Variants in NFASC observed in about 807,000 individuals in gnomAD.
The protein encoded by NFASC is neurofascin.
A neutral mutation model predicts 147.5 loss-of-function variants in NFASC; 43 were observed. That is an observed-to-expected ratio of 0.29 (90% confidence interval 0.23 to 0.38). The LOEUF (loss-of-function observed/expected upper bound fraction) is 0.38, where lower values mean the gene tolerates loss of function less well. NFASC is among the 10% of genes least tolerant of loss of function. The probability of loss-of-function intolerance (pLI) is 1.00; values close to 1 mark genes in which losing one functional copy is unlikely to be tolerated. For missense variants in NFASC, 1,320 were observed against 1,689.0 expected, an observed-to-expected ratio of 0.78 and a Z score of 3.83; for synonymous variants, 622 against 665.5, an observed-to-expected ratio of 0.93 and a Z score of 1.01.
chr1:204,945,589 A>G (rs1216364582), intron 3 of NFASC, among the ~76,000 whole-genome samples: 1 of 152,238 alleles, frequency 6.6e-6, no homozygotes, highest in Non-Finnish European at 1.5e-5. Context: ...ACCCAGAGGT[A>G]AGATGGGCAA....
chr1:204,956,709 C>G (rs2094449494), intron 7 of NFASC, among the ~76,000 whole-genome samples: 1 of 152,150 alleles, frequency 6.6e-6, no homozygotes, highest in South Asian at 2.1e-4. Flanking sequence ...TACAGTAAAT[C>G]AGGAATGGTT....
chr1:204,990,157 C>T (rs2095693617), intron 23 of NFASC: 1 of 152,336 alleles, frequency 6.6e-6, no homozygotes, highest in Non-Finnish European at 1.5e-5. Flanking sequence ...CGCTCTGCAT[C>T]CCTCTCTGGT....
In NFASC at chr1:204,974,717, C is replaced by A. The variant is rs995120080; in HGVS notation, c.1452C>A (p.Gly484=). 3.7e-6 allele frequency: 6 copies of A among 1,614,048 alleles called. No individual in the cohort carries two copies. Among genetic ancestry groups the A allele is most frequent in the African/African-American group, 1.3e-5 (1 of 74,918 alleles). ...GCAACTACCATGTTTATGAGAACGG[C>A]AGTCTGGAAATTAAGATGATCCGCA... is the stretch of plus-strand genomic sequence containing the variant. ...DGGNYHVYEN[G]SLEIKMIRKE... Residue 484 remains glycine (G), a synonymous_variant, in exon 14 of 30, where the codon GGC becomes GGA. Coordinates refer to ENST00000339876, the MANE Select transcript of NFASC (RefSeq NM_001005388.3).
intron 1 of NFASC, among the ~76,000 whole-genome samples, chr1:204,853,845 C>T (rs970836236): frequency 6.6e-6 from 1 of 152,166 alleles, no homozygotes; most frequent in Non-Finnish European, 1.5e-5. Context: ...TCGGGGCCAG[C>T]TAGGCACACC....
intron 1 of NFASC, among the ~76,000 whole-genome samples, chr1:204,864,162 C>G (rs954454470): frequency 1.3e-5 from 2 of 152,112 alleles, no homozygotes; most frequent in African/African-American, 4.8e-5. Flanking sequence ...TTTCACTTAG[C>G]ATAATATTTT....
chr1:204,875,955 G>C (rs2078702893), intron 1 of NFASC, among the ~76,000 whole-genome samples: 2 of 152,138 alleles, frequency 1.3e-5, no homozygotes, highest in African/African-American at 4.8e-5. Flanking sequence ...AGGAGGAGGG[G>C]TCTGCAACCC....
chr1:204,969,984 G>A (rs974048392), intron 10 of NFASC, among the ~76,000 whole-genome samples: 4 of 150,552 alleles, frequency 2.7e-5, no homozygotes, highest in Non-Finnish European at 4.4e-5. Context: ...GCTGAGGCAG[G>A]AGAATTGCTT....
chr1:204,854,198 C>T (rs1250305993), intron 1 of NFASC, among the ~76,000 whole-genome samples: 2 of 151,970 alleles, frequency 1.3e-5, no homozygotes, highest in African/African-American at 4.8e-5. Flanking sequence ...GTAGTGGGCT[C>T]ATCAAGGGGA....
chr1:204,930,665 C>T (rs1321534164), intron 2 of NFASC, among the ~76,000 whole-genome samples: 1 of 152,202 alleles, frequency 6.6e-6, no homozygotes, highest in African/African-American at 2.4e-5. Flanking sequence ...CTAGGAAGCA[C>T]AAGAGAAACT....
rs777663775 is a variant in NFASC, at chr1:204,857,916, C to CTTTTTTT, written c.-200+29136_-200+29137insTTTTTTT. Among the ~76,000 whole-genome samples, 194 of 133,548 alleles carry CTTTTTTT rather than the reference C, an allele frequency of 1.5e-3. 5 individuals are homozygous for CTTTTTTT. The highest frequency in any genetic ancestry group is 4.9e-3 in the East Asian group (18 of 3,696). 87.6% of individuals were successfully genotyped at this position (133,548 alleles called of 152,430 possible). A position where few individuals can be genotyped will look rare whatever the true frequency, so the allele number is the denominator to read the frequency against. ...TCTGTGTCCTAGTCTCCTTCTTCTT[C>CTTTTTTT]TTCTTTTTTTTTTTTTTTTTGAGAT... On this transcript the variant is annotated intron_variant, in intron 1 of 29. Coordinates refer to ENST00000339876, the MANE Select transcript of NFASC (RefSeq NM_001005388.3).
intron 1 of NFASC, chr1:204,871,033 C>T (rs547709336): frequency 3.5e-5 from 45 of 1,289,784 alleles, no homozygotes; most frequent in Non-Finnish European, 4.0e-5. Context: ...ACTGAGAAGA[C>T]GCTGGATGAA....
intron 27 of NFASC, among the ~76,000 whole-genome samples, chr1:205,003,161 C>T (rs549297488): frequency 2.0e-5 from 3 of 152,240 alleles, no homozygotes; most frequent in East Asian, 3.9e-4. Context: ...ATAGGGCCAG[C>T]GCAGGGCCTT....
At chr1:204,909,399 A>G (rs7552321) in intron 1 of NFASC, among the ~76,000 whole-genome samples, 66,353 of 151,796 alleles carry the variant, frequency 0.44, 14,924 homozygotes, top group Admixed American at 0.55. Context: ...CTGTATTTCT[A>G]CTCTGATGAA....
rs751197002 is a variant in NFASC at position 204,968,387 on chromosome 1, T to C, written c.818+27T>C. The stretch of plus-strand genomic sequence containing the variant: ...TATGTGCGGTTTGCAGCCCCTCTTC[T>C]AGCCACCCTCCAGGAGGATGGGGAT... On this transcript the variant is annotated intron_variant, in intron 9 of 29. Coordinates refer to ENST00000339876, the MANE Select transcript of NFASC (RefSeq NM_001005388.3). The surrounding 1 kb of genome is among the most constrained non-coding windows in gnomAD (Gnocchi z 5.4). 3.9e-6 allele frequency: 6 copies of C among 1,545,730 alleles called. No individual in the cohort carries two copies. In the Admixed American group the frequency reaches 8.3e-5, roughly 22 times the overall value.
chr1:205,003,566 GCC>G (rs1179548138), intron 27 of NFASC, among the ~76,000 whole-genome samples: 99 of 152,302 alleles, frequency 6.5e-4, no homozygotes, highest in African/African-American at 2.2e-3. Context: ...CTGCCAAGTG[GCC>G]GGTATGCTAA....
At chr1:204,884,929 A>C (rs2081012857) in intron 1 of NFASC, among the ~76,000 whole-genome samples, 1 of 152,104 alleles carries the variant, frequency 6.6e-6, no homozygotes, top group South Asian at 2.1e-4. Flanking sequence ...GTGCCAAACT[A>C]AGATTGAGAG....
chr1:204,933,109 G>A (rs906288004), intron 2 of NFASC, among the ~76,000 whole-genome samples: 1 of 152,186 alleles, frequency 6.6e-6, no homozygotes, highest in African/African-American at 2.4e-5. Flanking sequence ...AGAAGTATGG[G>A]TCTGATCTTA....
chr1:205,007,094 G>A (rs1432963799), intron 27 of NFASC, among the ~76,000 whole-genome samples: 4 of 151,890 alleles, frequency 2.6e-5, no homozygotes, highest in Admixed American at 6.6e-5. Context: ...AGCATAGAGC[G>A]TACCAATTAA....
chr1:204,884,552 C>G (rs913231110), intron 1 of NFASC, among the ~76,000 whole-genome samples: 1 of 152,046 alleles, frequency 6.6e-6, no homozygotes, highest in Admixed American at 6.5e-5. Context: ...ATGTTAAGAC[C>G]TCTGCTTTTG....
Sources: gnomAD v4.1 joint callset for allele counts (sites outside exome capture counted in the v4.1 genomes callset) on GRCh38, gnomAD v4.1.1 for gene constraint, Gnocchi (gnomAD v3.1) non-coding constraint, MANE v1.5 for transcripts, NCBI Gene and HGNC (gene_info 2026-07-23, HGNC 2026-07-21) for gene names.